PLCH1: variants seen among roughly 807,000 people sequenced by gnomAD.
PLCH1 encodes 1-phosphatidylinositol 4,5-bisphosphate phosphodiesterase eta-1.
A neutral mutation model predicts 126.7 loss-of-function variants in PLCH1; 60 were observed. That is an observed-to-expected ratio of 0.47 (90% CI 0.38 to 0.59). The LOEUF (loss-of-function observed/expected upper bound fraction) is 0.59. Ranked by LOEUF, PLCH1 falls within the 20% of genes least tolerant of loss-of-function variation. The probability of loss-of-function intolerance (pLI) is 0.00; values close to 1 mark genes in which losing one functional copy is unlikely to be tolerated. For missense variants in PLCH1, 1,723 were observed against 2,040.0 expected (o/e 0.84, Z 2.99); for synonymous variants, 719 against 734.9 (o/e 0.98, Z 0.35).
At position 155,500,792 on chromosome 3, in the gene PLCH1, T is replaced by A. The variant is rs1032221153; in HGVS notation, c.1707A>T (p.Lys569Asn). The change falls in exon 14 of 23, where the codon AAA becomes AAT. Residue 569 changes from lysine to asparagine, a missense_variant and splice_region_variant. This residue lies in a region of PLCH1 where 776 missense variants were observed against 1,062.9 expected (regional missense o/e 0.73). Coordinates refer to ENST00000460012, the MANE Select transcript of PLCH1 (RefSeq NM_014996.4). ...SLMTNFGKHK[K>N]TTKSRSKSYS... ...AAGATTTAGACCGTGATTTTGTAGT[T>A]TTCTGCCAGAAAAATCAAAACAAAC... 1 of 1,605,934 alleles carries A rather than the reference T, an allele frequency of 6.2e-7. No homozygotes were observed. Among genetic ancestry groups the A allele is most frequent in the African/African-American group, 1.3e-5 (1 of 74,772 alleles).
intron 2 of PLCH1, among the ~76,000 whole-genome samples, chr3:155,688,119 G>C (rs1301880390): frequency 6.6e-6 from 1 of 152,120 alleles, no homozygotes; most frequent in African/African-American, 2.4e-5. Context: ...TAGGCAAGGA[G>C]AGCCCTGTCT....
intron 10 of PLCH1, among the ~76,000 whole-genome samples, chr3:155,545,336 A>T (rs1167695007): frequency 2.6e-5 from 4 of 152,066 alleles, no homozygotes; most frequent in Non-Finnish European, 5.9e-5. Context: ...AGACTAAACC[A>T]GGAAGAAGTT....
At chr3:155,743,324 G>A (rs749508070) in intron 1 of PLCH1, 22 of 426,404 alleles carry the variant, frequency 5.2e-5, no homozygotes, top group South Asian at 3.2e-4. Context: ...CTGAGGTCAG[G>A]AGTTCCAGAC....
intron 2 of PLCH1, among the ~76,000 whole-genome samples, chr3:155,659,295 T>C (rs1385591286): frequency 1.4e-5 from 2 of 140,294 alleles, no homozygotes; most frequent in Admixed American, 1.4e-4. Flanking sequence ...GAGATGTCTA[T>C]TCACTTCTTT....
intron 2 of PLCH1, among the ~76,000 whole-genome samples, chr3:155,698,926 C>A (rs1210574540): frequency 6.6e-6 from 1 of 150,930 alleles, no homozygotes; most frequent in East Asian, 1.9e-4. Context: ...AGAATTAGTT[C>A]TATTATAATT....
At chr3:155,709,616 T>A (rs553954057) in intron 1 of PLCH1, among the ~76,000 whole-genome samples, 1 of 152,292 alleles carries the variant, frequency 6.6e-6, no homozygotes, top group East Asian at 1.9e-4. Context: ...ATCCATTCAT[T>A]CATTCATTTA....
intron 18 of PLCH1, among the ~76,000 whole-genome samples, chr3:155,492,312 A>G (rs1043545319): frequency 6.6e-6 from 1 of 152,246 alleles, no homozygotes. Context: ...GATGATAATA[A>G]GAATCAGCAC....
chr3:155,670,156 G>A lies in PLCH1; in HGVS notation c.79+33990C>T, dbSNP rs150594133. 6.1e-3 allele frequency among the ~76,000 whole-genome samples: 925 copies of A among 152,232 alleles called. 12 individuals carry two copies. Among genetic ancestry groups the A allele is most frequent in the African/African-American group, 0.021 (869 of 41,530 alleles). Reference sequence around the variant, plus strand: ...CATTCAAAATAAAACAAAGAAAAAAGATTATCAAGGGCAAATGATGAGCTC... The same window carrying A: ...CATTCAAAATAAAACAAAGAAAAAAAATTATCAAGGGCAAATGATGAGCTC... On this transcript the variant is annotated intron_variant, in intron 2 of 22. Coordinates refer to ENST00000460012, the MANE Select transcript of PLCH1 (RefSeq NM_014996.4).
Position 155,565,121 on chromosome 3 carries a change from T to G in PLCH1, c.866-3A>C, listed in dbSNP as rs1378431319. 1 of 1,609,414 alleles carries G rather than the reference T, an allele frequency of 6.2e-7. No individual in the cohort carries two copies. Reference sequence around the variant, plus strand: ...ACTACGCATGAAGTTCGTGAAGCCTTTGGAAGAAAGAGAGTGACTTACTAC... The same window carrying G: ...ACTACGCATGAAGTTCGTGAAGCCTGTGGAAGAAAGAGAGTGACTTACTAC... On this transcript the variant is annotated splice_polypyrimidine_tract_variant and splice_region_variant and intron_variant, in intron 7 of 22. Transcript: ENST00000460012.
chr3:155,558,810 G>A (rs1180276360), intron 8 of PLCH1, among the ~76,000 whole-genome samples: 2 of 152,040 alleles, frequency 1.3e-5, no homozygotes, highest in African/African-American at 4.8e-5. Context: ...AAATGAAACC[G>A]CAGATAAGAG....
At chr3:155,626,002 A>C (rs977424764) in intron 2 of PLCH1, among the ~76,000 whole-genome samples, 5 of 152,220 alleles carry the variant, frequency 3.3e-5, no homozygotes, top group Non-Finnish European at 7.3e-5. Context: ...GATAGACTGG[A>C]TAAAGAAAAT....
In PLCH1 at chr3:155,497,342, G is replaced by A. The variant is rs1304836504; in HGVS notation, c.1872C>T (p.Ala624=). Residue 624 remains alanine (A), a synonymous_variant, in exon 15 of 23, where the codon GCC becomes GCT. Transcript: ENST00000460012. Reference sequence around the variant, plus strand: ...TACCGTCATCCACAATGTCCTGAGCGGCCACGGAGTTTGTGTACACAACCA... The same window carrying A: ...TACCGTCATCCACAATGTCCTGAGCAGCCACGGAGTTTGTGTACACAACCA... ...SDLVVYTNSV[A]AQDIVDDGTT... 20 of 1,611,980 alleles carry A rather than the reference G, an allele frequency of 1.2e-5. No homozygotes were observed. Among genetic ancestry groups the A allele is most frequent in the South Asian group, 5.5e-5 (5 of 91,012 alleles).
intron 5 of PLCH1, 57 bp downstream of exon 5, chr3:155,586,008 G>A (rs1437647768): frequency 6.8e-7 from 1 of 1,480,048 alleles, no homozygotes; most frequent in Non-Finnish European, 9.4e-7. Context: ...ATATACCTAA[G>A]TATGTTAATA....
chr3:155,584,003 T>A (rs1731052339), intron 5 of PLCH1, among the ~76,000 whole-genome samples: 1 of 151,390 alleles, frequency 6.6e-6, no homozygotes, highest in African/African-American at 2.4e-5. Context: ...TTAAAACTTA[T>A]AAAATAACAT....
intron 2 of PLCH1, among the ~76,000 whole-genome samples, chr3:155,604,167 T>C (rs1460743596): frequency 6.6e-6 from 1 of 151,774 alleles, no homozygotes; most frequent in Non-Finnish European, 1.5e-5. Context: ...TAAATAAATA[T>C]ATATATAAAC....
At chr3:155,617,693 T>C (rs957425643) in intron 2 of PLCH1, among the ~76,000 whole-genome samples, 4 of 152,172 alleles carry the variant, frequency 2.6e-5, no homozygotes, top group African/African-American at 9.7e-5. Context: ...GCTGGTTACT[T>C]TACCAAGGCT....
chr3:155,475,131 A>G (rs1474674013), downstream of PLCH1, among the ~76,000 whole-genome samples: 1 of 151,988 alleles, frequency 6.6e-6, no homozygotes, highest in Non-Finnish European at 1.5e-5. Flanking sequence ...TCTGAGCACA[A>G]TGCAATAAAA....
In PLCH1 at chr3:155,505,989, C is replaced by A. The variant is rs187995451; in HGVS notation, c.1633-1363G>T. On this transcript the variant is annotated intron_variant, in intron 12 of 22. Coordinates refer to ENST00000460012, the MANE Select transcript of PLCH1 (RefSeq NM_014996.4). ...ATGCCATTTATTATCCAAAACAGGA[C>A]CTTTTAAGAATAAAATGGGATACTT... Among the ~76,000 whole-genome samples, 4 of 151,698 alleles carry A rather than the reference C, an allele frequency of 2.6e-5. No homozygotes were observed. In the East Asian group the frequency reaches 7.8e-4, roughly 29 times the overall value.
chr3:155,483,117 G>T (rs1714451524), intron 22 of PLCH1, 66 bp from the exon 23 acceptor site: 1 of 1,357,922 alleles, frequency 7.4e-7, no homozygotes, highest in Non-Finnish European at 1.0e-6. Context: ...AAACACTCAT[G>T]TTGTCTTCGG....
Sources: allele counts gnomAD v4.1 joint callset (sites outside exome capture counted in the v4.1 genomes callset), GRCh38; gene constraint gnomAD v4.1.1; regional missense constraint gnomAD v4.1.1; transcripts MANE v1.5; gene names NCBI Gene and HGNC (gene_info 2026-07-23, HGNC 2026-07-21).